The following TLL1 variants were observed in gnomAD, a reference collection of about 807,000 sequenced individuals.
TLL1 encodes the protein tolloid like 1.
TLL1 carries 49 observed loss-of-function variants against 128.2 expected under a neutral mutation model. That is an observed-to-expected ratio of 0.38 (90% CI 0.30 to 0.48). The LOEUF is 0.48. Ranked by LOEUF, TLL1 falls within the 20% of genes least tolerant of loss-of-function variation. TLL1 has a pLI of 0.96. For missense variants in TLL1, 1,123 were observed against 1,242.0 expected (o/e 0.90, Z 1.44); for synonymous variants, 454 against 418.8 (o/e 1.08, Z -1.03).
At chr4:165,916,328 T>C (rs34740712) in intron 1 of TLL1, among the ~76,000 whole-genome samples, 16,701 of 152,280 alleles carry the variant, frequency 0.11, 1,347 homozygotes, top group South Asian at 0.27. Flanking sequence ...CAGTATTTTA[T>C]ATTTTGACAG....
At chr4:166,038,526 A>G (rs1316440781) in intron 9 of TLL1, among the ~76,000 whole-genome samples, 1 of 151,992 alleles carries the variant, frequency 6.6e-6, no homozygotes, top group East Asian at 1.9e-4. Flanking sequence ...TTTGCATCAG[A>G]TAAGCATACT....
intron 1 of TLL1, among the ~76,000 whole-genome samples, chr4:165,945,018 G>A (rs1380163542): frequency 6.6e-6 from 1 of 151,506 alleles, no homozygotes; most frequent in East Asian, 1.9e-4. Context: ...AATCTGGGAG[G>A]CAGTATTGAG....
chr4:165,996,472 G>A (rs1425760092), intron 5 of TLL1, among the ~76,000 whole-genome samples: 1 of 152,070 alleles, frequency 6.6e-6, no homozygotes, highest in African/African-American at 2.4e-5. Flanking sequence ...AGCCAGGTGT[G>A]TTGGCGCGCA....
intron 1 of TLL1, among the ~76,000 whole-genome samples, chr4:165,928,808 T>C (rs7681412): frequency 0.12 from 18,928 of 152,174 alleles, 1,580 homozygotes; most frequent in East Asian, 0.27. Flanking sequence ...CCTACTTTGC[T>C]TGTCTTAACT....
chr4:165,995,867 T>C lies in TLL1; in HGVS notation c.632+689T>C, dbSNP rs556098144. ...TTCAGATCAGTACATCTTTCCTCCTTCCCACATATCAATTTTGTAAAACAC... is the reference window on the plus strand; with the variant it reads ...TTCAGATCAGTACATCTTTCCTCCTCCCCACATATCAATTTTGTAAAACAC... On this transcript the variant is annotated intron_variant, in intron 5 of 20. Transcript: ENST00000061240. 1.6e-4 allele frequency among the ~76,000 whole-genome samples: 24 copies of C among 152,284 alleles called. No homozygotes were observed. In the East Asian group the frequency reaches 4.4e-3, roughly 28 times the overall value.
intron 12 of TLL1, 97 bp downstream of exon 12, chr4:166,043,516 C>G: frequency 6.4e-7 from 1 of 1,557,958 alleles, no homozygotes; most frequent in Admixed American, 1.7e-5. Flanking sequence ...AACAGAGAGT[C>G]AGCCTTTTAA....
At chr4:165,948,029 A>C (rs1734339327) in intron 1 of TLL1, among the ~76,000 whole-genome samples, 1 of 152,204 alleles carries the variant, frequency 6.6e-6, no homozygotes, top group Non-Finnish European at 1.5e-5. Context: ...CTCAGAGGGC[A>C]GAGTAGCTTG....
intron 8 of TLL1, among the ~76,000 whole-genome samples, chr4:166,018,014 G>A (rs1488598105): frequency 6.6e-6 from 1 of 152,142 alleles, no homozygotes; most frequent in Non-Finnish European, 1.5e-5. Flanking sequence ...TCTTAATAGG[G>A]TGACTCATCT....
intron 11 of TLL1, 94 bp from the exon 12 acceptor site, chr4:166,043,180 A>T (rs1212729567): frequency 6.5e-6 from 10 of 1,540,678 alleles, no homozygotes; most frequent in Non-Finnish European, 8.9e-6. Context: ...GTACTGAGCT[A>T]CAGGAGCTGA....
chr4:165,902,076 T>C lies in TLL1; in HGVS notation c.169+28003T>C, dbSNP rs148014342. Among the ~76,000 whole-genome samples, 642 of 152,244 alleles carry C rather than the reference T, an allele frequency of 4.2e-3. 5 individuals are homozygous for C. Among genetic ancestry groups the C allele is most frequent in the African/African-American group, 0.014 (592 of 41,554 alleles). On this transcript the variant is annotated intron_variant, in intron 1 of 20. Coordinates refer to ENST00000061240, the MANE Select transcript of TLL1 (RefSeq NM_012464.5). Reference sequence around the variant, plus strand: ...AAAACCGACTACTTAAGCTCAGTAATGGTGGATGCCCCTCCCCCCACGAAG... The same window carrying C: ...AAAACCGACTACTTAAGCTCAGTAACGGTGGATGCCCCTCCCCCCACGAAG...
chr4:165,878,075 C>T (rs1730800186), intron 1 of TLL1, among the ~76,000 whole-genome samples: 1 of 152,110 alleles, frequency 6.6e-6, no homozygotes. Flanking sequence ...GTCAGTGCCC[C>T]AGTGTCCTAG....
intron 7 of TLL1, among the ~76,000 whole-genome samples, chr4:166,009,708 T>C (rs1486807881): frequency 6.6e-6 from 1 of 151,460 alleles, no homozygotes; most frequent in Admixed American, 6.6e-5. Context: ...TTTAAGTCTT[T>C]AAAGAAGCTG....
At chr4:165,933,819 G>T (rs1288773256) in intron 1 of TLL1, among the ~76,000 whole-genome samples, 1 of 152,108 alleles carries the variant, frequency 6.6e-6, no homozygotes, top group Non-Finnish European at 1.5e-5. Context: ...TGTCCGAGCA[G>T]CTCCCCTCCA....
intron 1 of TLL1, among the ~76,000 whole-genome samples, chr4:165,948,307 G>A (rs1262713333): frequency 6.6e-6 from 1 of 152,118 alleles, no homozygotes; most frequent in Non-Finnish European, 1.5e-5. Flanking sequence ...GTTCCCAGGA[G>A]TTATACCCAA....
intron 1 of TLL1, among the ~76,000 whole-genome samples, chr4:165,936,206 A>ATTTTTTTTTTTTTTTTT (rs199985086): frequency 1.4e-5 from 2 of 139,602 alleles, no homozygotes; most frequent in East Asian, 2.1e-4. Context: ...ATATATATAT[A>ATTTTTTTTTTTTTTTTT]TTTTTTTTTC....
chr4:166,069,058 GA>G (rs569885552), intron 16 of TLL1, among the ~76,000 whole-genome samples: 2 of 151,554 alleles, frequency 1.3e-5, no homozygotes, highest in African/African-American at 4.8e-5. Context: ...AAATATAAAA[GA>G]AAAAACTCCT....
intron 9 of TLL1, among the ~76,000 whole-genome samples, chr4:166,034,044 CAT>C (rs1393644502): frequency 1.3e-5 from 2 of 152,108 alleles, no homozygotes; most frequent in African/African-American, 4.8e-5. Flanking sequence ...TTGCCAAAGA[CAT>C]TGCTTAAATT....
At chr4:166,063,317 T>C (rs1297828366) in intron 15 of TLL1, among the ~76,000 whole-genome samples, 3 of 151,994 alleles carry the variant, frequency 2.0e-5, no homozygotes, top group Non-Finnish European at 2.9e-5. Context: ...GTTAGAATGG[T>C]GATCATTAAA....
chr4:166,059,303 G>A (rs1480349610), intron 14 of TLL1, among the ~76,000 whole-genome samples: 1 of 151,982 alleles, frequency 6.6e-6, no homozygotes, highest in Admixed American at 6.6e-5. Context: ...TATGAACTGT[G>A]TACAATGTAT....
Sources: allele counts gnomAD v4.1 joint callset (sites outside exome capture counted in the v4.1 genomes callset), GRCh38; gene constraint gnomAD v4.1.1; transcripts MANE v1.5; gene names NCBI Gene and HGNC (gene_info 2026-07-23, HGNC 2026-07-21).